ASTN2: variants seen among roughly 807,000 people sequenced by gnomAD.
ASTN2 encodes astrotactin 2, also known as astrotactin-2.
A neutral mutation model predicts 139.8 loss-of-function variants in ASTN2; 54 were observed. The observed-to-expected ratio is 0.39, with a 90% confidence interval of 0.31 to 0.48. The LOEUF is 0.48. Among genes scored for constraint, ASTN2 ranks in the 20% least tolerant of loss-of-function variants. The probability of loss-of-function intolerance (pLI) is 0.95; values close to 1 mark genes in which losing one functional copy is unlikely to be tolerated. For missense variants in ASTN2, 1,565 were observed against 1,725.1 expected (o/e 0.91, Z 1.64); for synonymous variants, 756 against 719.5 (o/e 1.05, Z -0.81).
intron 9 of ASTN2, 60 bp downstream of exon 9, chr9:116,976,054 C>A: frequency 6.6e-7 from 1 of 1,523,914 alleles, no homozygotes; most frequent in South Asian, 1.1e-5. Flanking sequence ...ATGACCACAT[C>A]TTCCTATCAG....
chr9:116,598,499 G>T (rs1413901898), intron 19 of ASTN2, among the ~76,000 whole-genome samples: 1 of 152,126 alleles, frequency 6.6e-6, no homozygotes, highest in African/African-American at 2.4e-5. Context: ...AATTAATTGT[G>T]GTTTTTGCCA....
At chr9:116,839,875 A>ATTT in intron 11 of ASTN2, among the ~76,000 whole-genome samples, 1 of 106,030 alleles carries the variant, frequency 9.4e-6, no homozygotes, top group African/African-American at 4.6e-5. Context: ...TATTATTATT[A>ATTT]TTATTATTTT....
chr9:116,722,294 T>G (rs984561397), intron 16 of ASTN2, among the ~76,000 whole-genome samples: 1 of 122,952 alleles, frequency 8.1e-6, no homozygotes, highest in African/African-American at 2.6e-5. Flanking sequence ...TGGGAAATGT[T>G]CAGACAATCA....
At chr9:116,429,339 G>A (rs372547563) in intron 22 of ASTN2, among the ~76,000 whole-genome samples, 29 of 90,848 alleles carry the variant, frequency 3.2e-4, no homozygotes, top group South Asian at 1.0e-3. Flanking sequence ...AACTCTATCT[G>A]AAAAAAAAAA....
At chr9:116,486,982 T>C (rs1466107254) in intron 20 of ASTN2, among the ~76,000 whole-genome samples, 1 of 152,176 alleles carries the variant, frequency 6.6e-6, no homozygotes, top group African/African-American at 2.4e-5. Context: ...ACTAATATAA[T>C]ATTTAAAGAG....
chr9:116,517,038 G>T (rs1587923512), intron 19 of ASTN2, among the ~76,000 whole-genome samples: 1 of 152,164 alleles, frequency 6.6e-6, no homozygotes, highest in African/African-American at 2.4e-5. Context: ...TAACCACTCT[G>T]GTAGCCAAAG....
At position 117,176,952 on chromosome 9, in the gene ASTN2, G is replaced by A. The variant is rs147882474; in HGVS notation, c.1016-35474C>T. 8.7e-4 allele frequency among the ~76,000 whole-genome samples: 133 copies of A among 152,290 alleles called. 1 individual carries two copies. Among genetic ancestry groups the A allele is most frequent in the African/African-American group, 3.1e-3 (128 of 41,560 alleles). ...AAAATAAAGAATTAATACATACAATGTCTGGTATATTTCCTAGAGTTTCTG... is the reference window on the plus strand; with the variant it reads ...AAAATAAAGAATTAATACATACAATATCTGGTATATTTCCTAGAGTTTCTG... On this transcript the variant is annotated intron_variant, in intron 3 of 22. Transcript: ENST00000313400.
At chr9:116,782,689 C>T (rs112478235) in intron 13 of ASTN2, among the ~76,000 whole-genome samples, 5 of 152,142 alleles carry the variant, frequency 3.3e-5, no homozygotes, top group East Asian at 3.9e-4. Flanking sequence ...AATGAAGATC[C>T]GTGATGGCTA....
intron 21 of ASTN2, 64 bp from the exon 22 acceptor site, chr9:116,440,856 G>C (rs114272078): frequency 6.7e-7 from 1 of 1,502,448 alleles, no homozygotes; most frequent in African/African-American, 1.4e-5. Context: ...ATATAAGCAT[G>C]GGCTTCAATA....
At chr9:117,274,629 AG>A (rs1834142938) in intron 2 of ASTN2, among the ~76,000 whole-genome samples, 1 of 152,248 alleles carries the variant, frequency 6.6e-6, no homozygotes, top group South Asian at 2.1e-4. Flanking sequence ...ATATGAAGAA[AG>A]GCTTCACAAC....
rs143689553 is a variant in ASTN2 at position 117,244,571 on chromosome 9, AAGGGAGGGAGGGAGGG to A, written c.631-29845_631-29830del. ...TAGGACAGTGGGGAAGGAAGGAAGG[AAGGGAGGGAGGGAGGG>A]AGGGAGGGAGGGAGGGAGGAGAGGG... On this transcript the variant is annotated intron_variant, in intron 2 of 22. Coordinates refer to ENST00000313400, the MANE Select transcript of ASTN2 (RefSeq NM_001365068.1). Among the ~76,000 whole-genome samples, 680 of 101,926 alleles carry A rather than the reference AAGGGAGGGAGGGAGGG, an allele frequency of 6.7e-3. 17 individuals are homozygous for A. Among genetic ancestry groups the A allele is most frequent in the African/African-American group, 0.034 (641 of 18,606 alleles). The allele number at this position is 101,926 out of a possible 152,430, so 66.9% of individuals were successfully genotyped here.
Position 116,698,343 on chromosome 9 carries a change from C to G in ASTN2, c.2806+27428G>C, listed in dbSNP as rs147304059. On this transcript the variant is annotated intron_variant, in intron 16 of 22. Coordinates refer to ENST00000313400, the MANE Select transcript of ASTN2 (RefSeq NM_001365068.1). The surrounding 1 kb of genome is among the most constrained non-coding windows in gnomAD (Gnocchi z 4.4). ...GCGCAGGGTCCAGGATGAGCTGGCT[C>G]GCTCTCGGAAGTTCTTCACAGGCTC... 1 of 1,614,098 alleles carries G rather than the reference C, an allele frequency of 6.2e-7. No homozygotes were observed. Among genetic ancestry groups the G allele is most frequent in the Admixed American group, 1.7e-5 (1 of 60,022 alleles).
chr9:116,994,913 A>C (rs1008087593), intron 7 of ASTN2, among the ~76,000 whole-genome samples: 7 of 152,224 alleles, frequency 4.6e-5, no homozygotes, highest in Non-Finnish European at 7.3e-5. Context: ...TGCTCAGTGC[A>C]TAATACACTT....
intron 3 of ASTN2, among the ~76,000 whole-genome samples, chr9:117,188,903 C>T (rs969697665): frequency 2.6e-5 from 4 of 152,166 alleles, no homozygotes; most frequent in African/African-American, 7.2e-5. Flanking sequence ...TCTAACCATG[C>T]TCAGTGGGCA....
chr9:117,384,073 T>G (rs1830336377), intron 1 of ASTN2, among the ~76,000 whole-genome samples: 2 of 152,194 alleles, frequency 1.3e-5, no homozygotes, highest in Non-Finnish European at 2.9e-5. Context: ...CCAGCTGCAG[T>G]GCTACCTGGG....
intron 2 of ASTN2, among the ~76,000 whole-genome samples, chr9:117,277,991 C>T (rs1469053390): frequency 1.3e-5 from 2 of 152,148 alleles, no homozygotes; most frequent in Non-Finnish European, 2.9e-5. Flanking sequence ...ATTCCAACCT[C>T]ACATTTTGTT....
chr9:117,364,759 G>A lies in ASTN2; in HGVS notation c.442+49738C>T, dbSNP rs771829166. Among the ~76,000 whole-genome samples, 30 of 152,074 alleles carry A rather than the reference G, an allele frequency of 2.0e-4. 1 individual carries two copies. Among genetic ancestry groups the A allele is most frequent in the African/African-American group, 4.6e-4 (19 of 41,466 alleles). ...ACGAAGTCTATCAGGAACCATGGAC[G>A]TCCACACTGCATTCTATAATGAGAC... is the stretch of plus-strand genomic sequence containing the variant. On this transcript the variant is annotated intron_variant, in intron 1 of 22. Coordinates refer to ENST00000313400, the MANE Select transcript of ASTN2 (RefSeq NM_001365068.1).
chr9:117,242,671 A>G (rs905939876), intron 2 of ASTN2, among the ~76,000 whole-genome samples: 4 of 152,242 alleles, frequency 2.6e-5, no homozygotes, highest in Non-Finnish European at 5.9e-5. Flanking sequence ...GGGCCTAAGC[A>G]TGACTGGAGA....
At chr9:117,157,437 G>C (rs1000851797) in intron 3 of ASTN2, among the ~76,000 whole-genome samples, 1 of 151,978 alleles carries the variant, frequency 6.6e-6, no homozygotes, top group Non-Finnish European at 1.5e-5. Context: ...ATTAAAGCTG[G>C]ACTGAGTTGG....
Sources: allele counts gnomAD v4.1 joint callset (sites outside exome capture counted in the v4.1 genomes callset), GRCh38; gene constraint gnomAD v4.1.1; non-coding constraint Gnocchi (gnomAD v3.1); transcripts MANE v1.5; gene names NCBI Gene and HGNC (gene_info 2026-07-23, HGNC 2026-07-21).